Variants in UBE2L3 observed in about 807,000 individuals in gnomAD.
UBE2L3 encodes ubiquitin conjugating enzyme E2 L3.
A neutral mutation model predicts 17.8 loss-of-function variants in UBE2L3; 1 was observed. That is an observed-to-expected ratio of 0.06 (90% CI 0.02 to 0.27). The LOEUF is 0.27. UBE2L3 is among the 10% of genes least tolerant of loss of function. UBE2L3 has a pLI of 1.00. For synonymous variants in UBE2L3, 44 were observed against 68.5 expected (o/e 0.64, Z 1.76); for missense variants, 40 against 192.6 (o/e 0.21, Z 4.69).
At chr22:21,564,426 C>A (rs1008109323), upstream of UBE2L3, among the ~76,000 whole-genome samples, 2 of 152,078 alleles carry the variant, frequency 1.3e-5, no homozygotes, top group African/African-American at 4.8e-5. Flanking sequence ...TGACTAGAAG[C>A]CAGGCCTGCT....
chr22:21,588,905 A>G (rs1233861839), intron 1 of UBE2L3, among the ~76,000 whole-genome samples: 2 of 151,382 alleles, frequency 1.3e-5, no homozygotes, highest in African/African-American at 4.9e-5. Flanking sequence ...CTCGTGATCT[A>G]CCTGCCTTGG....
chr22:21,614,970 A>G (rs1321180329), intron 3 of UBE2L3, among the ~76,000 whole-genome samples: 1 of 151,836 alleles, frequency 6.6e-6, no homozygotes, highest in Non-Finnish European at 1.5e-5. Context: ...CCTGGCCAAC[A>G]TGGTGAAACC....
chr22:21,569,968 G>A (rs1926867335), intron 1 of UBE2L3, among the ~76,000 whole-genome samples: 1 of 152,178 alleles, frequency 6.6e-6, no homozygotes. Context: ...CCCAAGAAAA[G>A]CTGCCTTCTC....
chr22:21,555,999 C>T (rs1249534434), intron 1 of UBE2L3, among the ~76,000 whole-genome samples: 3 of 152,226 alleles, frequency 2.0e-5, no homozygotes, highest in Non-Finnish European at 2.9e-5. Flanking sequence ...CTTTGGGAGG[C>T]GGGGATGGGT....
intron 2 of UBE2L3, among the ~76,000 whole-genome samples, chr22:21,608,310 C>T (rs913794146): frequency 2.6e-5 from 4 of 152,112 alleles, no homozygotes; most frequent in Non-Finnish European, 4.4e-5. Flanking sequence ...AGTGCAGAAG[C>T]GTGATCACAG....
chr22:21,617,377 C>G (rs569012296), intron 3 of UBE2L3, among the ~76,000 whole-genome samples: 1 of 152,134 alleles, frequency 6.6e-6, no homozygotes, highest in African/African-American at 2.4e-5. Flanking sequence ...AGCATTTCTC[C>G]TCCCTCAGCC....
At chr22:21,614,892 G>A (rs911768763) in intron 3 of UBE2L3, among the ~76,000 whole-genome samples, 2 of 152,210 alleles carry the variant, frequency 1.3e-5, no homozygotes, top group African/African-American at 2.4e-5. Context: ...GGTGGCTCAC[G>A]CCTGTAATCC....
intron 1 of UBE2L3, among the ~76,000 whole-genome samples, chr22:21,559,333 G>A (rs1926348692): frequency 6.7e-6 from 1 of 149,460 alleles, no homozygotes; most frequent in Non-Finnish European, 1.5e-5. Context: ...GGGTGACAGA[G>A]CAAGACTCTG....
chr22:21,609,299 G>A (rs1402924206), intron 2 of UBE2L3, among the ~76,000 whole-genome samples: 1 of 152,204 alleles, frequency 6.6e-6, no homozygotes, highest in Non-Finnish European at 1.5e-5. Context: ...CCACACAGAT[G>A]CTTATAACAG....
chr22:21,575,663 G>C (rs1476236380), intron 1 of UBE2L3, among the ~76,000 whole-genome samples: 2 of 72,616 alleles, frequency 2.8e-5, no homozygotes, highest in African/African-American at 1.1e-4. Context: ...TTTTTTTGGA[G>C]ACGGAGTCTC....
At chr22:21,559,492 T>C (rs538957506) in intron 1 of UBE2L3, among the ~76,000 whole-genome samples, 2 of 152,322 alleles carry the variant, frequency 1.3e-5, no homozygotes, top group African/African-American at 2.4e-5. Flanking sequence ...TGTAGTAACA[T>C]TGGCGCTTGG....
intron 1 of UBE2L3, among the ~76,000 whole-genome samples, chr22:21,582,180 G>C (rs1046953821): frequency 1.3e-5 from 2 of 151,256 alleles, no homozygotes; most frequent in East Asian, 3.9e-4. Flanking sequence ...TCTGGGTTTC[G>C]GTGCTTATAG....
upstream of UBE2L3, chr22:21,567,615 ACACAGTAGGTG>A (rs1926696132): frequency 6.6e-7 from 1 of 1,526,332 alleles, no homozygotes; most frequent in African/African-American, 1.4e-5. Context: ...AGTGGGAAGC[ACACAGTAGGTG>A]CTCCGCTCTG....
chr22:21,608,536 A>T (rs186589089), intron 2 of UBE2L3, among the ~76,000 whole-genome samples: 1 of 151,886 alleles, frequency 6.6e-6, no homozygotes, highest in South Asian at 2.1e-4. Context: ...CAATTCTCCT[A>T]CCTCAGCCTC....
chr22:21,561,017 G>C (rs1241529522), intron 1 of UBE2L3, among the ~76,000 whole-genome samples: 1 of 152,252 alleles, frequency 6.6e-6, no homozygotes, highest in African/African-American at 2.4e-5. Context: ...AAAGAGAGAA[G>C]AAGGAGGATA....
At chr22:21,588,315 TTC>T (rs1324919966) in intron 1 of UBE2L3, among the ~76,000 whole-genome samples, 1 of 152,148 alleles carries the variant, frequency 6.6e-6, no homozygotes, top group Non-Finnish European at 1.5e-5. Flanking sequence ...CCTTCCCTAA[TTC>T]TTCACTGTCA....
intron 1 of UBE2L3, among the ~76,000 whole-genome samples, chr22:21,590,948 C>A (rs1042911415): frequency 1.3e-5 from 2 of 152,226 alleles, no homozygotes; most frequent in African/African-American, 2.4e-5. Context: ...TTCCTGATCC[C>A]TGCCCTTGTT....
At chr22:21,599,942 G>A (rs1157158225) in intron 2 of UBE2L3, among the ~76,000 whole-genome samples, 1 of 152,200 alleles carries the variant, frequency 6.6e-6, no homozygotes, top group Non-Finnish European at 1.5e-5. Flanking sequence ...TGGAGATTGT[G>A]ATTTTAATTG....
intron 1 of UBE2L3, among the ~76,000 whole-genome samples, chr22:21,559,312 C>T (rs1332214204): frequency 6.6e-6 from 1 of 151,204 alleles, no homozygotes. Flanking sequence ...TGTGCCACTG[C>T]ACTCCAGCCT....
Sources: allele counts gnomAD v4.1 joint callset (sites outside exome capture counted in the v4.1 genomes callset), GRCh38; gene constraint gnomAD v4.1.1; transcripts MANE v1.5; gene names NCBI Gene and HGNC (gene_info 2026-07-23, HGNC 2026-07-21).